Variants in SHANK2 observed in about 807,000 individuals in gnomAD.
SHANK2 encodes the protein SH3 and multiple ankyrin repeat domains protein 2.
A neutral mutation model predicts 133.7 loss-of-function variants in SHANK2; 43 were observed. The observed-to-expected ratio is 0.32, with a 90% CI of 0.25 to 0.41. The LOEUF is 0.41. SHANK2 is among the 10% of genes least tolerant of loss of function. The pLI, the probability that SHANK2 is intolerant of heterozygous loss-of-function variation, is 1.00. For synonymous variants in SHANK2, 1,017 were observed against 952.8 expected, an observed-to-expected ratio of 1.07 and a Z score of -1.24; for missense variants, 1,994 against 2,235.8, an observed-to-expected ratio of 0.89 and a Z score of 2.18.
chr11:70,835,356 C>T (rs1156230760), intron 11 of SHANK2, among the ~76,000 whole-genome samples: 1 of 152,160 alleles, frequency 6.6e-6, no homozygotes, highest in African/African-American at 2.4e-5. Flanking sequence ...CGCCAGTTCT[C>T]GAGGACACAG....
At chr11:71,114,170 G>A (rs1418753872) in intron 4 of SHANK2, among the ~76,000 whole-genome samples, 2 of 152,274 alleles carry the variant, frequency 1.3e-5, no homozygotes, top group Middle Eastern at 6.8e-3. Context: ...TCCCATCTCA[G>A]TTTCCTTATC....
intron 8 of SHANK2, among the ~76,000 whole-genome samples, chr11:71,085,666 A>ATATATAATATAATATATAACATAT (rs1951379147): frequency 2.2e-4 from 4 of 18,092 alleles, no homozygotes; most frequent in Admixed American, 1.3e-3. Context: ...ATTATATTAT[A>ATATATAATATAATATATAACATAT]TATGTTATAT....
chr11:70,679,347 T>G (rs782705414), intron 15 of SHANK2, among the ~76,000 whole-genome samples: 5 of 152,204 alleles, frequency 3.3e-5, no homozygotes, highest in Non-Finnish European at 5.9e-5. Flanking sequence ...CGAGGCCAAC[T>G]GCAGAGCCTG....
chr11:70,725,137 T>C (rs1392300844), intron 14 of SHANK2, among the ~76,000 whole-genome samples: 1 of 152,218 alleles, frequency 6.6e-6, no homozygotes, highest in African/African-American at 2.4e-5. Flanking sequence ...ATTATAAGAC[T>C]ATCTTTAGCG....
At chr11:71,071,438 G>A (rs1951139785) in intron 9 of SHANK2, among the ~76,000 whole-genome samples, 1 of 152,214 alleles carries the variant, frequency 6.6e-6, no homozygotes, top group Non-Finnish European at 1.5e-5. Context: ...TTATGCCTCT[G>A]ATGATATCCA....
intron 16 of SHANK2, among the ~76,000 whole-genome samples, chr11:70,660,631 G>A (rs1279736394): frequency 6.6e-6 from 1 of 152,130 alleles, no homozygotes; most frequent in Non-Finnish European, 1.5e-5. Context: ...CTTTTCTAGG[G>A]AGGCATGAGT....
At chr11:70,656,408 G>A (rs538830372) in intron 17 of SHANK2, among the ~76,000 whole-genome samples, 3 of 152,180 alleles carry the variant, frequency 2.0e-5, no homozygotes, top group African/African-American at 7.2e-5. Context: ...TGCTTCTCTC[G>A]GGGGCTGTCA....
intron 11 of SHANK2, among the ~76,000 whole-genome samples, chr11:70,880,391 G>A (rs1439567961): frequency 1.3e-5 from 2 of 152,214 alleles, no homozygotes; most frequent in East Asian, 1.9e-4. Context: ...GGATGGAGGT[G>A]CGCTGAGAAA....
intron 14 of SHANK2, among the ~76,000 whole-genome samples, chr11:70,710,226 CCT>C (rs1945752236): frequency 1.3e-5 from 2 of 152,212 alleles, no homozygotes; most frequent in East Asian, 3.9e-4. Context: ...TGTGCCGTCC[CCT>C]CAGGCAGGCC....
At chr11:70,813,074 T>A (rs1948312435) in intron 12 of SHANK2, among the ~76,000 whole-genome samples, 1 of 152,138 alleles carries the variant, frequency 6.6e-6, no homozygotes, top group South Asian at 2.1e-4. Flanking sequence ...TGTGAGCCCA[T>A]CGCCATGTGG....
At chr11:71,075,638 T>C (rs1348247507) in intron 8 of SHANK2, among the ~76,000 whole-genome samples, 8 of 152,086 alleles carry the variant, frequency 5.3e-5, no homozygotes, top group Non-Finnish European at 1.2e-4. Flanking sequence ...CTCCACAAGA[T>C]GCAAACCAGA....
intron 17 of SHANK2, among the ~76,000 whole-genome samples, chr11:70,537,093 G>A (rs1554974293): frequency 6.6e-6 from 1 of 152,196 alleles, no homozygotes; most frequent in Non-Finnish European, 1.5e-5. Context: ...CTCCCTCAGG[G>A]CCTCCCAAAC....
intron 11 of SHANK2, among the ~76,000 whole-genome samples, chr11:70,870,104 G>T (rs1490341266): frequency 2.0e-5 from 3 of 152,174 alleles, no homozygotes; most frequent in Non-Finnish European, 2.9e-5. Flanking sequence ...CCAATAATTA[G>T]TGTCCTTATA....
rs541485283 is a variant in SHANK2, at chr11:70,738,699, A to G, written c.1778-39936T>C. 2.6e-5 allele frequency among the ~76,000 whole-genome samples: 4 copies of G among 152,278 alleles called. No homozygotes were observed. In the East Asian group the frequency reaches 7.7e-4, roughly 29 times the overall value. On this transcript the variant is annotated intron_variant, in intron 14 of 25. Coordinates refer to ENST00000601538, the MANE Select transcript of SHANK2 (RefSeq NM_012309.5). ...CGTACTCATTCTTATAACCCCCATC[A>G]GTGCTGACCCGTCTCCAGGCTATGT... is the stretch of plus-strand genomic sequence containing the variant.
chr11:71,078,124 G>C (rs1243029902), intron 8 of SHANK2, among the ~76,000 whole-genome samples: 2 of 150,854 alleles, frequency 1.3e-5, no homozygotes, highest in Non-Finnish European at 2.9e-5. Flanking sequence ...CAAGGAAAGA[G>C]CAAGGTGAGC....
intron 10 of SHANK2, among the ~76,000 whole-genome samples, chr11:70,937,334 C>CA (rs1410709950): frequency 1.9e-4 from 29 of 152,182 alleles, no homozygotes; most frequent in Admixed American, 1.8e-3. Flanking sequence ...GGGACGTGTC[C>CA]AAAACAAAAG....
chr11:70,745,888 G>A lies in SHANK2; in HGVS notation c.1778-47125C>T, dbSNP rs567106469. 1.1e-4 allele frequency among the ~76,000 whole-genome samples: 17 copies of A among 152,348 alleles called. No homozygotes were observed. The South Asian group carries it at 1.2e-3, about 11-fold the overall frequency. On this transcript the variant is annotated intron_variant, in intron 14 of 25. Coordinates refer to ENST00000601538, the MANE Select transcript of SHANK2 (RefSeq NM_012309.5). ...GCCACACCTGAGACCTCGAGCGAGC[G>A]TTATTCCTTCATCCGTGTCCTTCAC... is the stretch of plus-strand genomic sequence containing the variant.
At chr11:70,679,266 G>T (rs375909816) in intron 15 of SHANK2, among the ~76,000 whole-genome samples, 2 of 152,192 alleles carry the variant, frequency 1.3e-5, no homozygotes, top group Non-Finnish European at 2.9e-5. Context: ...AGGAAGCTGC[G>T]GCTCAGAAAG....
chr11:71,108,998 T>C (rs1286396197), intron 6 of SHANK2, among the ~76,000 whole-genome samples: 1 of 152,152 alleles, frequency 6.6e-6, no homozygotes, highest in African/African-American at 2.4e-5. Context: ...GTGGCATTCT[T>C]TGGTTGACAA....
Sources: allele counts gnomAD v4.1 joint callset (sites outside exome capture counted in the v4.1 genomes callset), GRCh38; gene constraint gnomAD v4.1.1; transcripts MANE v1.5; gene names NCBI Gene and HGNC (gene_info 2026-07-23, HGNC 2026-07-21).